The following EHBP1 variants were observed in gnomAD, a reference collection of about 807,000 sequenced individuals.
The protein encoded by EHBP1 is EH domain binding protein 1, also known as EH domain-binding protein 1.
A neutral mutation model predicts 144.0 loss-of-function variants in EHBP1; 55 were observed. That is an observed-to-expected ratio of 0.38 (90% CI 0.31 to 0.48). EHBP1 has a LOEUF of 0.48. Ranked by LOEUF, EHBP1 falls within the 20% of genes least tolerant of loss-of-function variation. The pLI, the probability that EHBP1 is intolerant of heterozygous loss-of-function variation, is 0.98. For missense variants in EHBP1, 1,200 were observed against 1,364.2 expected (o/e 0.88, Z 1.90); for synonymous variants, 469 against 472.7 (o/e 0.99, Z 0.10).
At chr2:62,891,345 T>C (rs2152914967) in intron 10 of EHBP1, among the ~76,000 whole-genome samples, 1 of 152,252 alleles carries the variant, frequency 6.6e-6, no homozygotes, top group African/African-American at 2.4e-5. Context: ...CTATGAGGGC[T>C]TTATGTTTTA....
intron 10 of EHBP1, among the ~76,000 whole-genome samples, chr2:62,919,408 C>A (rs1202685223): frequency 2.6e-5 from 4 of 152,086 alleles, no homozygotes; most frequent in African/African-American, 9.7e-5. Context: ...TGTGTTTGTC[C>A]AGGGAAAGGC....
intron 3 of EHBP1, among the ~76,000 whole-genome samples, chr2:62,750,359 C>T (rs913422722): frequency 6.6e-5 from 10 of 152,190 alleles, no homozygotes; most frequent in Middle Eastern, 6.8e-3. Flanking sequence ...GTTTTGGTAC[C>T]AGTACCATGC....
At chr2:62,976,035 A>G (rs1439954559) in intron 14 of EHBP1, among the ~76,000 whole-genome samples, 2 of 152,022 alleles carry the variant, frequency 1.3e-5, no homozygotes, top group Non-Finnish European at 2.9e-5. Flanking sequence ...TTTAATTACT[A>G]CTTTTTAGGA....
chr2:62,816,231 A>G (rs2045439556), intron 5 of EHBP1, among the ~76,000 whole-genome samples: 2 of 152,314 alleles, frequency 1.3e-5, no homozygotes, highest in South Asian at 4.1e-4. Flanking sequence ...CTTTAAAGAG[A>G]CTTTAGAGAG....
intron 9 of EHBP1, among the ~76,000 whole-genome samples, chr2:62,868,148 G>C (rs560034361): frequency 7.9e-5 from 12 of 152,140 alleles, no homozygotes; most frequent in Admixed American, 3.3e-4. Flanking sequence ...GCCGAGGCGG[G>C]CGGATCACTT....
chr2:62,806,844 C>A (rs562768444), intron 5 of EHBP1, among the ~76,000 whole-genome samples: 4 of 152,106 alleles, frequency 2.6e-5, no homozygotes, highest in South Asian at 4.1e-4. Context: ...AGTGGAAGTA[C>A]CTTATAATAA....
At chr2:62,787,115 C>G (rs1477045948) in intron 5 of EHBP1, among the ~76,000 whole-genome samples, 1 of 152,080 alleles carries the variant, frequency 6.6e-6, no homozygotes, top group Non-Finnish European at 1.5e-5. Context: ...AGTATGTGCA[C>G]TATTATTGCT....
chr2:62,991,564 A>C (rs543421854), intron 16 of EHBP1, among the ~76,000 whole-genome samples: 77 of 152,350 alleles, frequency 5.1e-4, no homozygotes, highest in African/African-American at 1.8e-3. Flanking sequence ...TTGAATATAA[A>C]TGTTTAAGAT....
At chr2:62,713,906 A>G (rs138758294) in intron 2 of EHBP1, among the ~76,000 whole-genome samples, 53 of 152,292 alleles carry the variant, frequency 3.5e-4, no homozygotes, top group African/African-American at 1.2e-3. Flanking sequence ...CTATGTGAAG[A>G]ACAGTTTTAC....
At chr2:62,923,504 G>A (rs1465558916) in intron 10 of EHBP1, among the ~76,000 whole-genome samples, 2 of 152,158 alleles carry the variant, frequency 1.3e-5, no homozygotes, top group East Asian at 3.9e-4. Context: ...CCCACAGCAA[G>A]AGCCTGAGAA....
rs189020939 is a variant in EHBP1 at position 62,884,661 on chromosome 2, A to T, written c.1185+10129A>T. Among the ~76,000 whole-genome samples, 6 of 152,360 alleles carry T rather than the reference A, an allele frequency of 3.9e-5. No individual in the cohort carries two copies. The East Asian group carries it at 1.2e-3, about 29-fold the overall frequency. On this transcript the variant is annotated intron_variant, in intron 10 of 22. Coordinates refer to ENST00000431489, the MANE Select transcript of EHBP1 (RefSeq NM_001142616.3). The stretch of plus-strand genomic sequence containing the variant: ...TACACAATTATGTGTGAGATAAGGC[A>T]GTAGATTATCATCAGTGATATGCTG...
At chr2:63,022,429 C>T (rs1338743251) in intron 19 of EHBP1, among the ~76,000 whole-genome samples, 1 of 152,154 alleles carries the variant, frequency 6.6e-6, no homozygotes, top group Non-Finnish European at 1.5e-5. Context: ...ATTCTCTTGC[C>T]TCAGCCTCCC....
intron 7 of EHBP1, among the ~76,000 whole-genome samples, chr2:62,850,296 A>G (rs965537936): frequency 2.6e-5 from 4 of 152,200 alleles, no homozygotes; most frequent in African/African-American, 9.6e-5. Flanking sequence ...TCTAGCCTAC[A>G]GGAAGTTTTT....
chr2:62,730,177 C>T (rs1272655470), intron 2 of EHBP1, among the ~76,000 whole-genome samples: 1 of 151,272 alleles, frequency 6.6e-6, no homozygotes, highest in Non-Finnish European at 1.5e-5. Flanking sequence ...TTTCATATAC[C>T]CCTCATCTGC....
chr2:62,912,171 C>A (rs1229320101), intron 10 of EHBP1, among the ~76,000 whole-genome samples: 1 of 152,058 alleles, frequency 6.6e-6, no homozygotes, highest in African/African-American at 2.4e-5. Flanking sequence ...TCAAGATAGT[C>A]ATCAGAGAGT....
intron 19 of EHBP1, among the ~76,000 whole-genome samples, chr2:63,019,290 C>T (rs1212132562): frequency 2.0e-5 from 3 of 152,120 alleles, no homozygotes; most frequent in Non-Finnish European, 2.9e-5. Context: ...GTGTTACAAG[C>T]GCTAAGAGAA....
chr2:62,889,665 A>G (rs2052278848), intron 10 of EHBP1, among the ~76,000 whole-genome samples: 1 of 152,160 alleles, frequency 6.6e-6, no homozygotes, highest in African/African-American at 2.4e-5. Flanking sequence ...TCCTTTCTCC[A>G]TTGCTTATTT....
Position 62,795,838 on chromosome 2 carries a change from T to C in EHBP1, c.312+24446T>C, listed in dbSNP as rs2043501022. Among the ~76,000 whole-genome samples the C allele has an allele frequency of 2.6e-5, 4 of 152,042 alleles. No individual in the cohort carries two copies. In the South Asian group the frequency reaches 8.3e-4, roughly 32 times the overall value. On this transcript the variant is annotated intron_variant, in intron 5 of 22. Transcript: ENST00000431489. ...GGATTTCCTGCCCTTCCTTAATAGATAATAGCCTGAAGAAAAAATTTTTGA... is the reference window on the plus strand; with the variant it reads ...GGATTTCCTGCCCTTCCTTAATAGACAATAGCCTGAAGAAAAAATTTTTGA...
Position 62,674,827 on chromosome 2 carries a change from C to T in EHBP1, c.-296+744C>T, listed in dbSNP as rs190000611. 2.5e-4 allele frequency among the ~76,000 whole-genome samples: 38 copies of T among 152,266 alleles called. No homozygotes were observed. The East Asian group carries it at 6.9e-3, about 28-fold the overall frequency. ...ATTTTTATTTTTAGAGACAGGGTCT[C>T]GCTATGTTTTCCAGGCTGATGTTAA... is the stretch of plus-strand genomic sequence containing the variant. On this transcript the variant is annotated intron_variant, in intron 1 of 22. Coordinates refer to the EHBP1 transcript ENST00000405015.
Sources: gnomAD v4.1 joint callset for allele counts (sites outside exome capture counted in the v4.1 genomes callset) on GRCh38, gnomAD v4.1.1 for gene constraint, MANE v1.5 for transcripts, NCBI Gene and HGNC (gene_info 2026-07-23, HGNC 2026-07-21) for gene names.